SAMMSON: variants seen among roughly 807,000 people sequenced by gnomAD.
SAMMSON encodes survival associated mitochondrial melanoma specific oncogenic non-coding RNA.
intron 3 of SAMMSON, chr3:70,014,291 T>G (rs1559772248): frequency 6.6e-6 from 1 of 152,124 alleles, no homozygotes; most frequent in Non-Finnish European, 1.5e-5. Flanking sequence ...CTGGACTCTT[T>G]CCTTCACCTA....
rs140050644 is a variant in SAMMSON at position 70,112,895 on chromosome 3, A to G, written n.507+41330A>G. On this transcript the variant is annotated intron_variant and non_coding_transcript_variant, in intron 4 of 9. Coordinates refer to ENST00000642114, the Ensembl canonical transcript of SAMMSON. ...CCAGAGTGCTTCGAATGAGGTCACT[A>G]AAACTCCATTCTCACAATAGATGCC... is the stretch of plus-strand genomic sequence containing the variant. Among the ~76,000 whole-genome samples the G allele has an allele frequency of 7.3e-3, 1,105 of 152,310 alleles. 6 individuals are homozygous for G. Among genetic ancestry groups the G allele is most frequent in the Middle Eastern group, 0.014 (4 of 292 alleles).
chr3:70,187,688 G>A (rs988677029), intron 4 of SAMMSON, among the ~76,000 whole-genome samples: 4 of 151,542 alleles, frequency 2.6e-5, no homozygotes, highest in Non-Finnish European at 5.9e-5. Flanking sequence ...CGCCCGTCTC[G>A]GCCTCCCAAA....
At chr3:70,001,448 C>G (rs1417317387) in intron 1 of SAMMSON, among the ~76,000 whole-genome samples, 2 of 145,552 alleles carry the variant, frequency 1.4e-5, no homozygotes, top group Non-Finnish European at 3.0e-5. Context: ...AAGGTTGTTT[C>G]TAGTGTTTTT....
At chr3:70,042,253 A>T (rs1347101418) in intron 3 of SAMMSON, among the ~76,000 whole-genome samples, 1 of 152,078 alleles carries the variant, frequency 6.6e-6, no homozygotes, top group East Asian at 1.9e-4. Context: ...AGCCTGTGTT[A>T]TTTAAATTTC....
intron 4 of SAMMSON, among the ~76,000 whole-genome samples, chr3:70,213,253 A>G (rs1701368043): frequency 6.6e-6 from 1 of 151,930 alleles, no homozygotes; most frequent in African/African-American, 2.4e-5. Context: ...TTTTATTCTC[A>G]TTTAACCTAC....
At chr3:70,321,869 C>T (rs867197007) in intron 7 of SAMMSON, among the ~76,000 whole-genome samples, 2 of 151,868 alleles carry the variant, frequency 1.3e-5, no homozygotes, top group African/African-American at 2.4e-5. Flanking sequence ...CTTACCCTCC[C>T]AAAATTGTAG....
intron 3 of SAMMSON, among the ~76,000 whole-genome samples, chr3:70,045,120 T>TAA (rs2067121132): frequency 1.1e-5 from 1 of 87,356 alleles, no homozygotes; most frequent in African/African-American, 3.2e-5. Context: ...TTTATATATA[T>TAA]TAATTATAAT....
At chr3:70,063,372 G>T (rs950119830) in intron 3 of SAMMSON, among the ~76,000 whole-genome samples, 4 of 152,000 alleles carry the variant, frequency 2.6e-5, no homozygotes, top group African/African-American at 9.7e-5. Flanking sequence ...GATGCCTTCT[G>T]AACCGCTTAG....
At chr3:70,094,291 G>A (rs764366949) in intron 4 of SAMMSON, among the ~76,000 whole-genome samples, 1 of 151,954 alleles carries the variant, frequency 6.6e-6, no homozygotes, top group Non-Finnish European at 1.5e-5. Context: ...TCATCTAATA[G>A]CCTCAGACAT....
At chr3:70,150,436 G>A (rs1262140903) in intron 4 of SAMMSON, among the ~76,000 whole-genome samples, 1 of 151,986 alleles carries the variant, frequency 6.6e-6, no homozygotes, top group African/African-American at 2.4e-5. Flanking sequence ...GCTAGAGCTA[G>A]TTCTTATCCA....
rs550916527 is a variant in SAMMSON, at chr3:70,106,283, T to C, written n.507+34718T>C. Among the ~76,000 whole-genome samples the C allele has an allele frequency of 5.3e-5, 8 of 152,002 alleles. No homozygotes were observed. In the East Asian group the frequency reaches 1.6e-3, roughly 29 times the overall value. Reference sequence around the variant, plus strand: ...TAAACCAGAGCTTCTAAATTTTGTGTGTATTTGTTAAAATGCAGGCCTAAT... The same window carrying C: ...TAAACCAGAGCTTCTAAATTTTGTGCGTATTTGTTAAAATGCAGGCCTAAT... On this transcript the variant is annotated intron_variant and non_coding_transcript_variant, in intron 4 of 9. Coordinates refer to ENST00000642114, the Ensembl canonical transcript of SAMMSON.
At chr3:70,426,995 G>A in intron 2 of SAMMSON, among the ~76,000 whole-genome samples, 1 of 152,144 alleles carries the variant, frequency 6.6e-6, no homozygotes, top group East Asian at 1.9e-4. Flanking sequence ...TTGTTTAAAA[G>A]GCATATACAA....
At chr3:70,363,346 AG>A (rs1183140776) in intron 9 of SAMMSON, among the ~76,000 whole-genome samples, 1 of 152,098 alleles carries the variant, frequency 6.6e-6, no homozygotes, top group Non-Finnish European at 1.5e-5. Context: ...GGAAAGAGAA[AG>A]AAAGAAGAGG....
chr3:70,099,644 A>G (rs914805065), intron 4 of SAMMSON, among the ~76,000 whole-genome samples: 1 of 152,080 alleles, frequency 6.6e-6, no homozygotes, highest in Non-Finnish European at 1.5e-5. Flanking sequence ...ATTTTCTTCA[A>G]GCTTGTTCTT....
chr3:70,061,053 A>G (rs929887394), intron 3 of SAMMSON, among the ~76,000 whole-genome samples: 2 of 152,126 alleles, frequency 1.3e-5, no homozygotes, highest in Admixed American at 1.3e-4. Flanking sequence ...GTATGCCAAG[A>G]TGCAGACATC....
intron 3 of SAMMSON, chr3:70,025,038 C>T (rs2067032115): frequency 1.3e-5 from 2 of 152,002 alleles, no homozygotes; most frequent in African/African-American, 4.8e-5. Flanking sequence ...TAGATAACAC[C>T]ATGGGCTAAG....
intron 7 of SAMMSON, among the ~76,000 whole-genome samples, chr3:70,302,855 A>G (rs992981184): frequency 1.3e-5 from 2 of 152,128 alleles, no homozygotes; most frequent in Non-Finnish European, 2.9e-5. Context: ...GTTGGGATCA[A>G]TCTCATCATT....
intron 1 of SAMMSON, among the ~76,000 whole-genome samples, chr3:70,007,900 G>C (rs989137903): frequency 2.6e-5 from 4 of 152,052 alleles, no homozygotes; most frequent in Non-Finnish European, 5.9e-5. Context: ...TTGTTAAATG[G>C]GGAATCCTTT....
intron 6 of SAMMSON, among the ~76,000 whole-genome samples, chr3:70,250,522 A>G (rs1701754686): frequency 6.6e-6 from 1 of 152,104 alleles, no homozygotes; most frequent in South Asian, 2.1e-4. Flanking sequence ...GCTTTTAGAT[A>G]AATATTTTCA....
Sources: gnomAD v4.1 joint callset for allele counts (sites outside exome capture counted in the v4.1 genomes callset) on GRCh38, gnomAD v4.1.1 for gene constraint, MANE v1.5 for transcripts, NCBI Gene and HGNC (gene_info 2026-07-23, HGNC 2026-07-21) for gene names.